PXDNL: variants seen among roughly 807,000 people sequenced by gnomAD.
The protein encoded by PXDNL is probable oxidoreductase PXDNL.
In PXDNL, 145 loss-of-function variants were observed where a neutral mutation model predicts 150.8. The observed-to-expected ratio is 0.96, with a 90% CI of 0.84 to 1.10. PXDNL has a LOEUF of 1.10. Ranked by LOEUF, PXDNL falls within the 50% of genes least tolerant of loss-of-function variation. The pLI is 0.00. For missense variants in PXDNL, 2,087 were observed against 1,873.9 expected, an observed-to-expected ratio of 1.11 and a Z score of -2.10; for synonymous variants, 757 against 725.7, an observed-to-expected ratio of 1.04 and a Z score of -0.69.
rs578130706 is a variant in PXDNL, at chr8:51,454,972, G to C, written c.983-1187C>G. Among the ~76,000 whole-genome samples the C allele has an allele frequency of 5.2e-5, 5 of 96,488 alleles. 1 individual carries two copies. The highest frequency in any genetic ancestry group is 3.6e-4 in the African/African-American group (5 of 13,888). The allele number at this position is 96,488 out of a possible 152,430, so 63.3% of individuals were successfully genotyped here. A position where few individuals can be genotyped will look rare whatever the true frequency, so the allele number is the denominator to read the frequency against. Reference sequence around the variant, plus strand: ...GGTAAGGGAAAAATTAGCCGGGCGCGGTGGCGGGCGCCTGTAGTCCCAGCT... The same window carrying C: ...GGTAAGGGAAAAATTAGCCGGGCGCCGTGGCGGGCGCCTGTAGTCCCAGCT... On this transcript the variant is annotated intron_variant, in intron 9 of 22. Coordinates refer to ENST00000356297, the MANE Select transcript of PXDNL (RefSeq NM_144651.5).
chr8:51,523,937 A>C (rs1811712949), intron 4 of PXDNL, among the ~76,000 whole-genome samples: 1 of 152,224 alleles, frequency 6.6e-6, no homozygotes, highest in East Asian at 1.9e-4. Context: ...ATGATGTTTA[A>C]AGAGACCGAT....
chr8:51,432,224 G>A (rs1019455873), intron 12 of PXDNL, among the ~76,000 whole-genome samples: 2 of 152,176 alleles, frequency 1.3e-5, no homozygotes, highest in African/African-American at 4.8e-5. Context: ...CTATTACTGA[G>A]AAGCCATAGT....
At chr8:51,374,885 CAAAT>C (rs1369770441) in intron 17 of PXDNL, among the ~76,000 whole-genome samples, 154 bp from the exon 18 acceptor site, 1 of 152,190 alleles carries the variant, frequency 6.6e-6, no homozygotes, top group Non-Finnish European at 1.5e-5. Context: ...GGAAAGCACT[CAAAT>C]GAAGGAACCC....
At chr8:51,463,485 T>C (rs1318601894) in intron 8 of PXDNL, among the ~76,000 whole-genome samples, 1 of 152,100 alleles carries the variant, frequency 6.6e-6, no homozygotes, top group East Asian at 1.9e-4. Context: ...TATTCTTACA[T>C]AAGATAAAAT....
At chr8:51,442,397 A>G (rs1417648936) in intron 12 of PXDNL, among the ~76,000 whole-genome samples, 1 of 151,458 alleles carries the variant, frequency 6.6e-6, no homozygotes, top group Non-Finnish European at 1.5e-5. Context: ...ACTCAACTCT[A>G]TGTTAAATGA....
At chr8:51,335,587 A>C (rs1281793957) in intron 21 of PXDNL, among the ~76,000 whole-genome samples, 1 of 152,066 alleles carries the variant, frequency 6.6e-6, no homozygotes, top group Admixed American at 6.6e-5. Flanking sequence ...ATGCATGCAC[A>C]CATTTTTGTA....
At chr8:51,668,176 C>CTCTTTTTTTT (rs1554564343) in intron 1 of PXDNL, among the ~76,000 whole-genome samples, 3 of 77,386 alleles carry the variant, frequency 3.9e-5, no homozygotes, top group African/African-American at 5.4e-5. Context: ...CTCGCTCTCT[C>CTCTTTTTTTT]TTTTTTTTTT....
intron 14 of PXDNL, among the ~76,000 whole-genome samples, chr8:51,419,037 G>C (rs991377673): frequency 6.6e-6 from 1 of 152,132 alleles, no homozygotes; most frequent in Non-Finnish European, 1.5e-5. Context: ...TGCTATGAAG[G>C]CATGCTAGGA....
rs536405607 is a variant in PXDNL at position 51,634,419 on chromosome 8, C to G, written c.236+20270G>C. On this transcript the variant is annotated intron_variant, in intron 2 of 22. Coordinates refer to ENST00000356297, the MANE Select transcript of PXDNL (RefSeq NM_144651.5). ...AGTTTGAAGTTGGGTTATGTGATGCCTCTGGCTTTGCTCTTTTTGCTTAAG... is the reference window on the plus strand; with the variant it reads ...AGTTTGAAGTTGGGTTATGTGATGCGTCTGGCTTTGCTCTTTTTGCTTAAG... Among the ~76,000 whole-genome samples, 8 of 152,158 alleles carry G rather than the reference C, an allele frequency of 5.3e-5. No individual in the cohort carries two copies. The South Asian group carries it at 1.7e-3, about 32-fold the overall frequency.
At chr8:51,604,898 T>C (rs1190296151) in intron 2 of PXDNL, among the ~76,000 whole-genome samples, 1 of 152,182 alleles carries the variant, frequency 6.6e-6, no homozygotes, top group Non-Finnish European at 1.5e-5. Context: ...ATGACTTCCA[T>C]TTTAGTAGAA....
intron 4 of PXDNL, among the ~76,000 whole-genome samples, chr8:51,514,031 T>A (rs1811480614): frequency 6.6e-6 from 1 of 152,194 alleles, no homozygotes; most frequent in Non-Finnish European, 1.5e-5. Flanking sequence ...CATATACAAA[T>A]TAGAGGAGGA....
At chr8:51,592,782 T>C in intron 2 of PXDNL, 84 bp from the exon 3 acceptor site, 6 of 873,148 alleles carry the variant, frequency 6.9e-6, no homozygotes, top group South Asian at 4.8e-5. Flanking sequence ...AGTATAGTGC[T>C]TTACACAACA....
Position 51,472,186 on chromosome 8 carries a change from CTTG to C in PXDNL, c.810_812del (p.Asn271del), listed in dbSNP as rs761363696. 35 of 1,596,572 alleles carry C rather than the reference CTTG, an allele frequency of 2.2e-5. No homozygotes were observed. The Middle Eastern group carries it at 6.6e-4, about 30-fold the overall frequency. On this transcript the variant is annotated inframe_deletion and splice_region_variant, in exon 8 of 23. Transcript: ENST00000356297. ...AACCCATGTCCATGCTCAGTATTTA[CTTG>C]TTGTGTATCCAAATAATCTCAGGTT... is the stretch of plus-strand genomic sequence containing the variant.
chr8:51,447,571 T>G (rs1809704518), intron 11 of PXDNL, among the ~76,000 whole-genome samples: 1 of 152,204 alleles, frequency 6.6e-6, no homozygotes, highest in South Asian at 2.1e-4. Context: ...TAAAATACAT[T>G]TAAAATGCAG....
At chr8:51,557,426 C>T (rs997498937) in intron 3 of PXDNL, among the ~76,000 whole-genome samples, 4 of 152,100 alleles carry the variant, frequency 2.6e-5, no homozygotes, top group African/African-American at 9.7e-5. Flanking sequence ...TACGATGATA[C>T]AACTAATCTT....
intron 9 of PXDNL, among the ~76,000 whole-genome samples, chr8:51,455,229 G>T (rs895582774): frequency 6.6e-6 from 1 of 151,794 alleles, no homozygotes; most frequent in African/African-American, 2.4e-5. Context: ...GAGATAATCT[G>T]ATGCATGCAT....
In PXDNL at chr8:51,505,057, G is replaced by C. The variant is rs899557361; in HGVS notation, c.381-5287C>G. Among the ~76,000 whole-genome samples, 6 of 152,080 alleles carry C rather than the reference G, an allele frequency of 3.9e-5. No individual in the cohort carries two copies. In the South Asian group the frequency reaches 1.2e-3, roughly 32 times the overall value. Reference sequence around the variant, plus strand: ...TCCTTGAGCACTAATGAACCTAGAGGGCATCTAGCAAAGTCTTCCTGGGGC... The same window carrying C: ...TCCTTGAGCACTAATGAACCTAGAGCGCATCTAGCAAAGTCTTCCTGGGGC... On this transcript the variant is annotated intron_variant, in intron 4 of 22. Coordinates refer to ENST00000356297, the MANE Select transcript of PXDNL (RefSeq NM_144651.5).
At chr8:51,690,797 G>C (rs1357217286) in intron 1 of PXDNL, among the ~76,000 whole-genome samples, 2 of 151,654 alleles carry the variant, frequency 1.3e-5, no homozygotes, top group South Asian at 2.1e-4. Flanking sequence ...CAGTGTAAAA[G>C]TGTTCCTATT....
chr8:51,590,310 G>A (rs1372185788), intron 3 of PXDNL, among the ~76,000 whole-genome samples: 1 of 152,066 alleles, frequency 6.6e-6, no homozygotes. Context: ...CCTGCCACAG[G>A]TAGAGCCTCC....
Sources: allele counts gnomAD v4.1 joint callset (sites outside exome capture counted in the v4.1 genomes callset), GRCh38; gene constraint gnomAD v4.1.1; transcripts MANE v1.5; gene names NCBI Gene and HGNC (gene_info 2026-07-23, HGNC 2026-07-21).